Variants in TBC1D5 observed in about 807,000 individuals in gnomAD.
TBC1D5 encodes TBC1 domain family, member 5.
Under a neutral mutation model 100.3 loss-of-function variants are expected in TBC1D5, and 75 were observed. The ratio of observed to expected loss-of-function variants is 0.75; its 90% CI spans 0.62 to 0.91. TBC1D5 has a LOEUF of 0.91. TBC1D5 is among the 40% of genes least tolerant of loss of function. The pLI, the probability that TBC1D5 is intolerant of heterozygous loss-of-function variation, is 0.00. For missense variants in TBC1D5, 910 were observed against 942.4 expected, an observed-to-expected ratio of 0.97 and a Z score of 0.45; for synonymous variants, 323 against 325.6, an observed-to-expected ratio of 0.99 and a Z score of 0.09.
chr3:17,403,714 A>G (rs2093700193), intron 7 of TBC1D5, among the ~76,000 whole-genome samples: 1 of 152,156 alleles, frequency 6.6e-6, no homozygotes, highest in Non-Finnish European at 1.5e-5. Context: ...GCCATTTTAT[A>G]TAAGAAACTT....
intron 3 of TBC1D5, among the ~76,000 whole-genome samples, chr3:17,478,228 G>A (rs1395976533): frequency 2.6e-5 from 4 of 151,804 alleles, no homozygotes; most frequent in African/African-American, 4.8e-5. Context: ...TGTGTCTTTC[G>A]GTAATGCCAT....
intron 1 of TBC1D5, among the ~76,000 whole-genome samples, chr3:17,630,073 A>G (rs1403221614): frequency 6.6e-6 from 1 of 152,192 alleles, no homozygotes; most frequent in Non-Finnish European, 1.5e-5. Context: ...TAACTAGCAC[A>G]TGTTTTTGAC....
At chr3:17,590,266 CAG>C (rs2096758379) in intron 2 of TBC1D5, among the ~76,000 whole-genome samples, 1 of 152,190 alleles carries the variant, frequency 6.6e-6, no homozygotes, top group African/African-American at 2.4e-5. Context: ...GGAAGGAACA[CAG>C]AGTTAGATCA....
At chr3:17,477,487 T>C (rs536941379) in intron 3 of TBC1D5, among the ~76,000 whole-genome samples, 16 of 152,144 alleles carry the variant, frequency 1.1e-4, no homozygotes, top group African/African-American at 3.6e-4. Flanking sequence ...ATTGGTGTTT[T>C]CTGTCTGGGA....
chr3:17,265,788 G>A (rs765610465), intron 15 of TBC1D5, among the ~76,000 whole-genome samples: 7 of 152,042 alleles, frequency 4.6e-5, no homozygotes, highest in African/African-American at 1.4e-4. Context: ...TAGAGCTGCA[G>A]AGCAAAAACT....
chr3:17,199,745 A>G (rs2071213906), intron 18 of TBC1D5, among the ~76,000 whole-genome samples: 1 of 152,206 alleles, frequency 6.6e-6, no homozygotes, highest in South Asian at 2.1e-4. Context: ...TAAAAAGGTG[A>G]TGATGATCAA....
intron 4 of TBC1D5, among the ~76,000 whole-genome samples, chr3:17,427,826 T>C (rs1298365601): frequency 6.6e-6 from 1 of 151,938 alleles, no homozygotes; most frequent in African/African-American, 2.4e-5. Context: ...ACTCCTGAGT[T>C]TCCCAGATAC....
chr3:17,510,812 A>T (rs1335718497), intron 2 of TBC1D5, among the ~76,000 whole-genome samples: 1 of 152,004 alleles, frequency 6.6e-6, no homozygotes. Context: ...CACTCATTTC[A>T]TCCTCCTTAA....
chr3:17,529,605 G>A (rs573116835), intron 2 of TBC1D5, among the ~76,000 whole-genome samples: 3 of 152,166 alleles, frequency 2.0e-5, no homozygotes, highest in African/African-American at 7.2e-5. Context: ...CAAGGAAAAT[G>A]CCTAACACGG....
intron 19 of TBC1D5, among the ~76,000 whole-genome samples, chr3:17,174,337 T>C (rs2067479461): frequency 6.6e-6 from 1 of 152,202 alleles, no homozygotes; most frequent in Non-Finnish European, 1.5e-5. Context: ...TATGGTGCTC[T>C]ATTCAAAGTA....
At chr3:17,657,461 C>T (rs539142707) in intron 1 of TBC1D5, among the ~76,000 whole-genome samples, 4 of 151,808 alleles carry the variant, frequency 2.6e-5, no homozygotes, top group African/African-American at 7.2e-5. Flanking sequence ...CTCAGTCTCC[C>T]GAGTAGCTGG....
intron 2 of TBC1D5, among the ~76,000 whole-genome samples, chr3:17,621,093 T>G (rs1396392411): frequency 6.6e-6 from 1 of 152,150 alleles, no homozygotes; most frequent in Non-Finnish European, 1.5e-5. Context: ...GTTCTCACTG[T>G]GAAAGACGGG....
chr3:17,393,983 T>G (rs1288719907), intron 8 of TBC1D5, among the ~76,000 whole-genome samples: 1 of 152,090 alleles, frequency 6.6e-6, no homozygotes, highest in Non-Finnish European at 1.5e-5. Context: ...TGGGATCTAA[T>G]TAAACTAAAG....
chr3:17,448,834 C>T (rs2094858564), intron 3 of TBC1D5, among the ~76,000 whole-genome samples: 1 of 152,194 alleles, frequency 6.6e-6, no homozygotes, highest in African/African-American at 2.4e-5. Flanking sequence ...TGAACATCAG[C>T]TTTAACTAAA....
intron 3 of TBC1D5, among the ~76,000 whole-genome samples, chr3:17,452,049 T>A (rs911186985): frequency 2.0e-5 from 3 of 152,218 alleles, no homozygotes; most frequent in Non-Finnish European, 4.4e-5. Context: ...TGCTTTTTTT[T>A]AATTGCGTGT....
chr3:17,187,203 G>A (rs898124614), intron 18 of TBC1D5, among the ~76,000 whole-genome samples: 3 of 152,158 alleles, frequency 2.0e-5, no homozygotes, highest in Non-Finnish European at 4.4e-5. Flanking sequence ...TTCATTACGA[G>A]GTAGTATGTA....
chr3:17,549,864 A>G (rs1291509055), intron 2 of TBC1D5, among the ~76,000 whole-genome samples: 2 of 151,918 alleles, frequency 1.3e-5, no homozygotes, highest in Non-Finnish European at 2.9e-5. Flanking sequence ...CAGGGGGCGG[A>G]GGTTGCACTG....
chr3:17,620,532 GA>G (rs1237619006), intron 2 of TBC1D5, among the ~76,000 whole-genome samples: 2 of 152,124 alleles, frequency 1.3e-5, no homozygotes, highest in Non-Finnish European at 2.9e-5. Flanking sequence ...ACTGATACAT[GA>G]AAAAAGTGAA....
chr3:17,362,725 G>C (rs2091828297), intron 13 of TBC1D5, among the ~76,000 whole-genome samples: 3 of 152,146 alleles, frequency 2.0e-5, no homozygotes, highest in African/African-American at 7.2e-5. Context: ...GCCCGCCTCG[G>C]CCTGCCAAAG....
Sources: gnomAD v4.1 joint callset for allele counts (sites outside exome capture counted in the v4.1 genomes callset) on GRCh38, gnomAD v4.1.1 for gene constraint, MANE v1.5 for transcripts, NCBI Gene and HGNC (gene_info 2026-07-23, HGNC 2026-07-21) for gene names.